Variants in SYT13 observed in about 807,000 individuals in gnomAD.
SYT13 encodes the protein synaptotagmin 13.
In SYT13, 21 loss-of-function variants were observed where a neutral mutation model predicts 38.6. That is an observed-to-expected ratio of 0.54 (90% CI 0.39 to 0.78). The LOEUF is 0.78. Ranked by LOEUF, SYT13 falls within the 30% of genes least tolerant of loss-of-function variation. SYT13 has a pLI of 0.00. For synonymous variants in SYT13, 241 were observed against 237.6 expected (o/e 1.01, Z -0.13); for missense variants, 495 against 548.7 (o/e 0.90, Z 0.98).
rs1554978736 is a variant in SYT13 at position 45,241,520 on chromosome 11, CAA to C, written c.*2530_*2531del. 9 of 128,506 alleles carry C rather than the reference CAA, an allele frequency of 7.0e-5. No individual in the cohort carries two copies. In the South Asian group the frequency reaches 1.2e-3, roughly 17 times the overall value. 8.0% of individuals were successfully genotyped at this position (128,506 alleles called of 1,614,324 possible). Reference sequence around the variant, plus strand: ...AGATCCCTCCCCCGCCCCGCCCCCCCAAAAAAAAGAAGAAGAAGAATGAAAGG... The same window carrying C: ...AGATCCCTCCCCCGCCCCGCCCCCCCAAAAAAGAAGAAGAAGAATGAAAGG... On this transcript the variant is annotated 3_prime_UTR_variant, in exon 6 of 6. Transcript: ENST00000020926.
chr11:45,246,278 C>T, intron 5 of SYT13, 105 bp downstream of exon 5: 1 of 1,498,928 alleles, frequency 6.7e-7, no homozygotes, highest in East Asian at 2.3e-5. Context: ...GCTCATATTC[C>T]ACCTCCCTGC....
chr11:45,254,204 G>A (rs1854713835), intron 3 of SYT13, 66 bp downstream of exon 3: 3 of 1,533,546 alleles, frequency 2.0e-6, no homozygotes, highest in Non-Finnish European at 1.8e-6. Flanking sequence ...ATCCCATCCT[G>A]CCTGCACAGC....
intron 4 of SYT13, among the ~76,000 whole-genome samples, chr11:45,248,785 A>G (rs1216761251): frequency 6.6e-6 from 1 of 152,234 alleles, no homozygotes; most frequent in Non-Finnish European, 1.5e-5. Context: ...GAGAGGAGTC[A>G]GCACCTGTCA....
In SYT13 at chr11:45,281,666, CAA is replaced by C. The variant is rs747673327; in HGVS notation, c.183+4357_183+4358del. Among the ~76,000 whole-genome samples the C allele has an allele frequency of 6.1e-3, 686 of 112,066 alleles. 3 individuals are homozygous for C. Among genetic ancestry groups the C allele is most frequent in the African/African-American group, 0.018 (518 of 28,982 alleles). The allele number at this position is 112,066 out of a possible 152,430, so 73.5% of individuals were successfully genotyped here. ...TGGGCGACAGAGTGAGACTCTGCCT[CAA>C]AAAAAAAAAAAAAAAATTGGTGTGG... On this transcript the variant is annotated intron_variant, in intron 1 of 5. Transcript: ENST00000020926.
At chr11:45,276,270 A>G (rs543338514) in intron 1 of SYT13, among the ~76,000 whole-genome samples, 9 of 152,246 alleles carry the variant, frequency 5.9e-5, no homozygotes, top group Admixed American at 3.9e-4. Flanking sequence ...GGATGAGTTC[A>G]TGTCCTTTGC....
Position 45,255,729 on chromosome 11 carries a change from G to A in SYT13, c.346C>T (p.Pro116Ser), listed in dbSNP as rs1854736786. 3.7e-6 allele frequency: 6 copies of A among 1,614,036 alleles called. No individual in the cohort carries two copies. The highest frequency in any genetic ancestry group is 2.2e-5 in the East Asian group (1 of 44,886). Residue 116 changes from proline (P) to serine (S), a missense_variant, in exon 2 of 6, where the codon CCC (proline) becomes TCC (serine). Pro to Ser is a moderately conservative substitution (Grantham distance 74). Coordinates refer to ENST00000020926, the MANE Select transcript of SYT13 (RefSeq NM_020826.3). ...CTCTTGAGGCGACTGTCATTCGGGGGTTGGGGGCTGGCAGGTGCAGTGGGC... is the reference window on the plus strand; with the variant it reads ...CTCTTGAGGCGACTGTCATTCGGGGATTGGGGGCTGGCAGGTGCAGTGGGC... ...EEPTAPASPQ[P>S]PNDSRLKRQV... is the part of the protein sequence containing the mutation.
chr11:45,247,178 G>A (rs1854623984), intron 4 of SYT13, among the ~76,000 whole-genome samples: 1 of 152,184 alleles, frequency 6.6e-6, no homozygotes, highest in Admixed American at 6.5e-5. Flanking sequence ...TAACTCTCCT[G>A]AAATTCGTAC....
chr11:45,245,954 T>C (rs987189593), intron 5 of SYT13, among the ~76,000 whole-genome samples: 6 of 152,132 alleles, frequency 3.9e-5, no homozygotes, highest in African/African-American at 1.4e-4. Flanking sequence ...AACCTGGCCT[T>C]CCTGACATCT....
chr11:45,252,495 G>A lies in SYT13; in HGVS notation c.772C>T (p.Leu258Phe). The A allele has an allele frequency of 1.2e-6, 2 of 1,613,648 alleles. No individual in the cohort carries two copies. The highest frequency in any genetic ancestry group is 1.7e-6 in the Non-Finnish European group (2 of 1,179,808). ...RFSRHSVAGE[L>F]RLGLDGTSVP... The stretch of plus-strand genomic sequence containing the variant: ...GATGTCCCGTCCAGGCCCAGGCGGA[G>A]CTCCCCGGCCACGCTGTGACGGGAG... Residue 258 changes from leucine (L) to phenylalanine (F), a missense_variant, in exon 4 of 6, where the codon CTC (leucine) becomes TTC (phenylalanine). Physicochemically the swap from Leu to Phe is conservative, Grantham distance 22. Coordinates refer to ENST00000020926, the MANE Select transcript of SYT13 (RefSeq NM_020826.3). This position sits in a 1 kb window ranked among gnomAD's most constrained non-coding sequence, Gnocchi z 4.3.
At chr11:45,269,385 C>T (rs911441312) in intron 1 of SYT13, 1 of 1,097,338 alleles carries the variant, frequency 9.1e-7, no homozygotes, top group Non-Finnish European at 1.1e-6. Flanking sequence ...GGACTGGAAA[C>T]CCCAAGATGG....
intron 1 of SYT13, among the ~76,000 whole-genome samples, chr11:45,274,958 G>A (rs1854992191): frequency 6.6e-6 from 1 of 152,098 alleles, no homozygotes; most frequent in Non-Finnish European, 1.5e-5. Flanking sequence ...AGACCTGAAA[G>A]GAGAGAAACC....
Position 45,281,885 on chromosome 11 carries a change from G to A in SYT13, c.183+4140C>T, listed in dbSNP as rs368454416. Among the ~76,000 whole-genome samples the A allele has an allele frequency of 4.6e-5, 7 of 152,318 alleles. 1 individual carries two copies. Among genetic ancestry groups the A allele is most frequent in the African/African-American group, 1.7e-4 (7 of 41,558 alleles). ...AGAAGGCTTTCTGAAAACAGGAGGC[G>A]GGTGCCTGCCAAATGGTAGGGGTAC... On this transcript the variant is annotated intron_variant, in intron 1 of 5. Transcript: ENST00000020926.
intron 1 of SYT13, chr11:45,285,767 GC>G: frequency 1.4e-6 from 1 of 691,968 alleles, no homozygotes; most frequent in South Asian, 1.5e-5. Flanking sequence ...CTCGCTGCTG[GC>G]CCCCATTCTT....
intron 1 of SYT13, among the ~76,000 whole-genome samples, chr11:45,257,990 C>T (rs993222670): frequency 3.9e-5 from 6 of 152,236 alleles, no homozygotes; most frequent in Non-Finnish European, 7.3e-5. Flanking sequence ...AGAAACACTG[C>T]ACAGTAGATT....
chr11:45,245,906 A>T (rs1854608693), intron 5 of SYT13, among the ~76,000 whole-genome samples: 5 of 152,194 alleles, frequency 3.3e-5, no homozygotes, highest in Admixed American at 3.3e-4. Context: ...GGTGGGTGGC[A>T]GGAGTGCAGT....
At chr11:45,269,787 T>A (rs987751815) in intron 1 of SYT13, among the ~76,000 whole-genome samples, 2 of 152,310 alleles carry the variant, frequency 1.3e-5, no homozygotes, top group South Asian at 4.1e-4. Context: ...GGGTTGTGTC[T>A]CTGGATAACA....
At chr11:45,251,822 G>A (rs2135889368) in intron 4 of SYT13, among the ~76,000 whole-genome samples, 1 of 152,280 alleles carries the variant, frequency 6.6e-6, no homozygotes, top group South Asian at 2.1e-4. Context: ...GGGATTGCAT[G>A]GACCACCGGG....
chr11:45,285,797 T>A, intron 1 of SYT13: 2 of 715,342 alleles, frequency 2.8e-6, no homozygotes, highest in Admixed American at 2.0e-5. Context: ...CCCCACAAGC[T>A]CGCCGCTCCC....
At chr11:45,266,736 C>T (rs1854886086) in intron 1 of SYT13, among the ~76,000 whole-genome samples, 1 of 152,174 alleles carries the variant, frequency 6.6e-6, no homozygotes, top group Admixed American at 6.5e-5. Flanking sequence ...GAAAATTTTC[C>T]TGGAGAAAAT....
Sources: allele counts gnomAD v4.1 joint callset (sites outside exome capture counted in the v4.1 genomes callset), GRCh38; gene constraint gnomAD v4.1.1; non-coding constraint Gnocchi (gnomAD v3.1); transcripts MANE v1.5; gene names NCBI Gene and HGNC (gene_info 2026-07-23, HGNC 2026-07-21).